SYNPR: variants seen among roughly 807,000 people sequenced by gnomAD.
SYNPR encodes the protein synaptoporin.
A neutral mutation model predicts 32.9 loss-of-function variants in SYNPR; 23 were observed. That is an observed-to-expected ratio of 0.70 (90% CI 0.50 to 0.99). The LOEUF is 0.99. SYNPR is among the 50% of genes least tolerant of loss of function. The probability of loss-of-function intolerance (pLI) is 0.00; values close to 1 mark genes in which losing one functional copy is unlikely to be tolerated. For missense variants in SYNPR, 318 were observed against 349.3 expected, an observed-to-expected ratio of 0.91 and a Z score of 0.71; for synonymous variants, 146 against 135.9, an observed-to-expected ratio of 1.07 and a Z score of -0.52.
intron 3 of SYNPR, among the ~76,000 whole-genome samples, chr3:63,483,476 GACAA>G (rs1471140707): frequency 1.3e-5 from 2 of 152,134 alleles, no homozygotes; most frequent in African/African-American, 4.8e-5. Context: ...GAAGGATACA[GACAA>G]ACAGTTAACA....
intron 2 of SYNPR, among the ~76,000 whole-genome samples, chr3:63,435,203 G>C (rs1378358884): frequency 6.6e-6 from 1 of 152,162 alleles, no homozygotes; most frequent in African/African-American, 2.4e-5. Flanking sequence ...TCAAGCCTTT[G>C]TTCAAATATT....
chr3:63,376,473 T>C (rs1441566496), intron 2 of SYNPR, among the ~76,000 whole-genome samples: 1 of 152,152 alleles, frequency 6.6e-6, no homozygotes, highest in African/African-American at 2.4e-5. Context: ...CACTATAGGC[T>C]TCTCTCTACA....
intron 5 of SYNPR, among the ~76,000 whole-genome samples, chr3:63,611,955 C>G (rs1272660042): frequency 6.6e-6 from 1 of 152,166 alleles, no homozygotes; most frequent in South Asian, 2.1e-4. Context: ...GAGTAGGAGG[C>G]ATACCCATAC....
chr3:63,516,974 G>A (rs1701812782), intron 3 of SYNPR, among the ~76,000 whole-genome samples: 1 of 152,040 alleles, frequency 6.6e-6, no homozygotes, highest in African/African-American at 2.4e-5. Flanking sequence ...AACCTGTCTT[G>A]CAACATTTGT....
chr3:63,459,241 AG>A lies in SYNPR; in HGVS notation c.85-21590del, dbSNP rs1272352705. ...TCACCAATTTGGATTTTCATACCTC[AG>A]TGAAATGAGACATTTCACTGGCCTC... On this transcript the variant is annotated intron_variant, in intron 2 of 5. Transcript: ENST00000478300. 1.2e-4 allele frequency among the ~76,000 whole-genome samples: 19 copies of A among 152,124 alleles called. 1 individual carries two copies. The highest frequency in any genetic ancestry group is 4.3e-4 in the African/African-American group (18 of 41,438).
At chr3:63,487,267 A>T (rs955202175) in intron 3 of SYNPR, among the ~76,000 whole-genome samples, 4 of 152,202 alleles carry the variant, frequency 2.6e-5, no homozygotes, top group East Asian at 3.9e-4. Context: ...CATAGATTCA[A>T]ATCTTCCACT....
chr3:63,332,663 C>T (rs1385113516), intron 2 of SYNPR, among the ~76,000 whole-genome samples: 1 of 152,136 alleles, frequency 6.6e-6, no homozygotes, highest in Admixed American at 6.5e-5. Flanking sequence ...TGGTCTTAAG[C>T]ACAACCCTGG....
intron 2 of SYNPR, among the ~76,000 whole-genome samples, chr3:63,371,566 C>G (rs1387076675): frequency 6.6e-6 from 1 of 152,214 alleles, no homozygotes; most frequent in Non-Finnish European, 1.5e-5. Context: ...ATGCAAGCCA[C>G]TATTTTTGCT....
In SYNPR at chr3:63,405,403, G is replaced by A. The variant is rs117618958; in HGVS notation, c.85-75429G>A. Among the ~76,000 whole-genome samples, 8 of 152,250 alleles carry A rather than the reference G, an allele frequency of 5.3e-5. No homozygotes were observed. The East Asian group carries it at 1.5e-3, about 29-fold the overall frequency. On this transcript the variant is annotated intron_variant, in intron 2 of 5. Coordinates refer to ENST00000478300, the MANE Select transcript of SYNPR (RefSeq NM_001130003.2). The stretch of plus-strand genomic sequence containing the variant: ...TACCAAATGCTGAGGTAAGGCAAGA[G>A]TGAACAGCAAAGCACAGAAGGCTCT...
intron 2 of SYNPR, among the ~76,000 whole-genome samples, chr3:63,447,043 T>C (rs1213335949): frequency 1.3e-5 from 2 of 152,182 alleles, no homozygotes; most frequent in African/African-American, 4.8e-5. Context: ...AAGTCATAAT[T>C]GGGTGGTTTA....
chr3:63,324,516 C>T (rs1049445813), intron 2 of SYNPR, among the ~76,000 whole-genome samples: 1 of 152,082 alleles, frequency 6.6e-6, no homozygotes, highest in Non-Finnish European at 1.5e-5. Context: ...AAAATCAGAA[C>T]AGAGGGACCA....
chr3:63,219,562 C>T, the SYNPR span, among the ~76,000 whole-genome samples: 1 of 152,278 alleles, frequency 6.6e-6, no homozygotes, highest in East Asian at 1.9e-4. Context: ...TCCCCCAAAA[C>T]TTAACTAATA....
chr3:63,401,393 A>G (rs999216500), intron 2 of SYNPR, among the ~76,000 whole-genome samples: 8 of 152,204 alleles, frequency 5.3e-5, no homozygotes, highest in African/African-American at 1.7e-4. Flanking sequence ...AAGGACAGTG[A>G]TGATCATTAT....
intron 3 of SYNPR, among the ~76,000 whole-genome samples, chr3:63,525,452 A>T (rs1326120348): frequency 2.0e-5 from 3 of 152,172 alleles, no homozygotes; most frequent in Non-Finnish European, 4.4e-5. Context: ...TTGACTAAGA[A>T]CAAATGCTTT....
intron 2 of SYNPR, among the ~76,000 whole-genome samples, chr3:63,469,832 A>C (rs1000382837): frequency 1.3e-5 from 2 of 152,320 alleles, no homozygotes; most frequent in South Asian, 2.1e-4. Flanking sequence ...CTTCCACTTT[A>C]TAGTCTCTGT....
chr3:63,211,777 T>G, the SYNPR span, among the ~76,000 whole-genome samples: 1 of 146,064 alleles, frequency 6.8e-6, no homozygotes, highest in Admixed American at 6.9e-5. Context: ...GTTACATATG[T>G]ATACATGTGC....
At chr3:63,209,475 G>C in the SYNPR span, among the ~76,000 whole-genome samples, 1 of 152,072 alleles carries the variant, frequency 6.6e-6, no homozygotes, top group Non-Finnish European at 1.5e-5. Flanking sequence ...GAACAGTCTG[G>C]GGGGGTTAAT....
At chr3:63,205,471 A>C in the SYNPR span, among the ~76,000 whole-genome samples, 48 of 152,178 alleles carry the variant, frequency 3.2e-4, no homozygotes, top group Non-Finnish European at 5.9e-4. Context: ...CCTTTGTATG[A>C]TATATTCCCC....
In SYNPR at chr3:63,609,223, G is replaced by C; in HGVS notation, c.507G>C (p.Lys169Asn). ...LSDVKVATDP[K>N]EVLLLMSACK... is the part of the protein sequence containing the mutation. Reference sequence around the variant, plus strand: ...ACGTCAAAGTTGCAACGGATCCCAAGGAAGTATTGCTACTAATGTCAGCTT... The same window carrying C: ...ACGTCAAAGTTGCAACGGATCCCAACGAAGTATTGCTACTAATGTCAGCTT... The change falls in exon 5 of 6, where the codon AAG becomes AAC. Residue 169 changes from lysine (K) to asparagine (N), a missense_variant. Transcript: ENST00000478300. 6.2e-7 allele frequency: 1 copy of C among 1,609,294 alleles called. No homozygotes were observed. The highest frequency in any genetic ancestry group is 8.5e-7 in the Non-Finnish European group (1 of 1,177,714).
Sources: gnomAD v4.1 joint callset for allele counts (sites outside exome capture counted in the v4.1 genomes callset) on GRCh38, gnomAD v4.1.1 for gene constraint, MANE v1.5 for transcripts, NCBI Gene and HGNC (gene_info 2026-07-23, HGNC 2026-07-21) for gene names.